The following RASAL2 variants were observed in gnomAD, a reference collection of about 807,000 sequenced individuals.
RASAL2 encodes RAS protein activator like 2, also known as ras GTPase-activating protein nGAP.
Under a neutral mutation model 128.9 loss-of-function variants are expected in RASAL2, and 58 were observed. The ratio of observed to expected loss-of-function variants is 0.45; its 90% CI spans 0.36 to 0.56. The LOEUF is 0.56. RASAL2 is among the 20% of genes least tolerant of loss of function. The pLI is 0.00. For synonymous variants in RASAL2, 561 were observed against 580.8 expected (o/e 0.97, Z 0.49); for missense variants, 1,360 against 1,601.6 (o/e 0.85, Z 2.57).
intron 1 of RASAL2, among the ~76,000 whole-genome samples, chr1:178,267,826 T>A (rs1666043676): frequency 6.6e-6 from 1 of 152,100 alleles, no homozygotes; most frequent in African/African-American, 2.4e-5. Flanking sequence ...ACATTCCTCA[T>A]GGAGCCCTCC....
intron 1 of RASAL2, among the ~76,000 whole-genome samples, chr1:178,263,383 T>A (rs994852442): frequency 4.6e-5 from 7 of 152,170 alleles, no homozygotes; most frequent in Non-Finnish European, 1.0e-4. Flanking sequence ...TATTCCATTT[T>A]AAAGATGAGA....
chr1:178,124,550 A>G (rs1220484067), intron 1 of RASAL2, among the ~76,000 whole-genome samples: 2 of 152,180 alleles, frequency 1.3e-5, no homozygotes, highest in Admixed American at 6.5e-5. Flanking sequence ...CGGGAGGCAA[A>G]TATTTTTATA....
At chr1:178,219,317 A>C (rs1160591379) in intron 1 of RASAL2, among the ~76,000 whole-genome samples, 2 of 152,102 alleles carry the variant, frequency 1.3e-5, no homozygotes. Context: ...CTTATATTTC[A>C]TGTGATGCCT....
chr1:178,388,423 A>G (rs1387752815), intron 3 of RASAL2, among the ~76,000 whole-genome samples: 2 of 152,224 alleles, frequency 1.3e-5, no homozygotes, highest in East Asian at 3.8e-4. Context: ...TTCTGAGAAC[A>G]GCTTTGCACA....
chr1:178,463,526 A>G (rs1194816926), intron 14 of RASAL2, among the ~76,000 whole-genome samples: 2 of 152,186 alleles, frequency 1.3e-5, no homozygotes, highest in African/African-American at 4.8e-5. Flanking sequence ...TCTATTCAGT[A>G]GATTAGGAAA....
intron 1 of RASAL2, among the ~76,000 whole-genome samples, chr1:178,150,395 A>G (rs1185911873): frequency 6.6e-6 from 1 of 152,122 alleles, no homozygotes; most frequent in Non-Finnish European, 1.5e-5. Context: ...CATGTTGGGC[A>G]GGCTGGTCTC....
At chr1:178,198,263 C>T (rs189989423) in intron 1 of RASAL2, among the ~76,000 whole-genome samples, 3 of 152,228 alleles carry the variant, frequency 2.0e-5, no homozygotes, top group African/African-American at 4.8e-5. Context: ...GTTCTAGATC[C>T]TTGAGGAATT....
At chr1:178,178,705 G>A (rs919090231) in intron 1 of RASAL2, among the ~76,000 whole-genome samples, 6 of 152,152 alleles carry the variant, frequency 3.9e-5, no homozygotes, top group African/African-American at 1.4e-4. Context: ...ATATGTAGTA[G>A]TGGCTGACAA....
chr1:178,101,744 T>A (rs1383583407), intron 1 of RASAL2, among the ~76,000 whole-genome samples: 1 of 152,228 alleles, frequency 6.6e-6, no homozygotes, highest in Admixed American at 6.5e-5. Context: ...CTCCACAGTT[T>A]GTCAGGATTG....
chr1:178,318,923 G>A (rs541631507), intron 3 of RASAL2, among the ~76,000 whole-genome samples: 44 of 152,004 alleles, frequency 2.9e-4, no homozygotes, highest in East Asian at 1.5e-3. Context: ...ATTTTGCAGC[G>A]GCTGGTACCG....
chr1:178,356,643 T>C (rs908936041), intron 3 of RASAL2, among the ~76,000 whole-genome samples: 1 of 152,180 alleles, frequency 6.6e-6, no homozygotes. Context: ...CATGTTGAGA[T>C]ATGCACATTT....
intron 3 of RASAL2, among the ~76,000 whole-genome samples, chr1:178,367,958 C>CT (rs144873014): frequency 0.071 from 10,826 of 152,180 alleles, 1,236 homozygotes; most frequent in African/African-American, 0.24. Context: ...TGGCCCATGC[C>CT]TTTTTTTGTA....
rs1267672203 is a variant in RASAL2, at chr1:178,190,757, A to G, written c.203-92807A>G. On this transcript the variant is annotated intron_variant, in intron 1 of 17. Transcript: ENST00000367649. ...TAGTTAAAAAAAAAAAAAATCCCCT[A>G]TATGTAGCCGGAATAAACAGTCACT... Among the ~76,000 whole-genome samples, 3 of 150,790 alleles carry G rather than the reference A, an allele frequency of 2.0e-5. No individual in the cohort carries two copies. The South Asian group carries it at 6.3e-4, about 31-fold the overall frequency.
chr1:178,248,128 A>C (rs1664863555), intron 1 of RASAL2, among the ~76,000 whole-genome samples: 2 of 152,134 alleles, frequency 1.3e-5, no homozygotes, highest in Non-Finnish European at 2.9e-5. Context: ...TATCCTTGTT[A>C]ATTTTCTGTC....
intron 3 of RASAL2, among the ~76,000 whole-genome samples, chr1:178,373,096 A>G (rs1472773354): frequency 2.6e-5 from 4 of 151,862 alleles, no homozygotes; most frequent in Non-Finnish European, 4.4e-5. Flanking sequence ...TTATAAATGG[A>G]CAAAATTCAG....
chr1:178,327,295 A>C, intron 3 of RASAL2, among the ~76,000 whole-genome samples: 1 of 152,222 alleles, frequency 6.6e-6, no homozygotes, highest in East Asian at 1.9e-4. Context: ...GAAAATTATT[A>C]ATTTACCAGG....
intron 1 of RASAL2, among the ~76,000 whole-genome samples, chr1:178,150,321 A>G (rs1344979329): frequency 2.0e-5 from 3 of 151,672 alleles, no homozygotes; most frequent in African/African-American, 4.8e-5. Context: ...TAGCCTCCCA[A>G]GTAGCTGAGA....
chr1:178,439,351 T>A, intron 5 of RASAL2, 71 bp from the exon 6 acceptor site: 8 of 1,341,510 alleles, frequency 6.0e-6, no homozygotes, highest in Non-Finnish European at 7.2e-6. Context: ...ATTGTTATCC[T>A]CCATTGCATT....
chr1:178,390,275 C>A (rs1557950816), intron 4 of RASAL2, 69 bp downstream of exon 4: 1 of 1,140,186 alleles, frequency 8.8e-7, no homozygotes, highest in Non-Finnish European at 1.3e-6. Flanking sequence ...GAGTTAGGGG[C>A]AGCTACTAAG....
Sources: gnomAD v4.1 joint callset for allele counts (sites outside exome capture counted in the v4.1 genomes callset) on GRCh38, gnomAD v4.1.1 for gene constraint, MANE v1.5 for transcripts, NCBI Gene and HGNC (gene_info 2026-07-23, HGNC 2026-07-21) for gene names.